The following SGCG variants were observed in gnomAD, a reference collection of about 807,000 sequenced individuals.
SGCG encodes the protein gamma-sarcoglycan.
A neutral mutation model predicts 29.3 loss-of-function variants in SGCG; 26 were observed. The observed-to-expected ratio is 0.89, with a 90% confidence interval of 0.65 to 1.23. The LOEUF (loss-of-function observed/expected upper bound fraction) is 1.23. SGCG is among the 50% of genes most tolerant of loss of function. The pLI is 0.00. For synonymous variants in SGCG, 145 were observed against 129.7 expected (o/e 1.12, Z -0.80); for missense variants, 353 against 356.0 (o/e 0.99, Z 0.07).
chr13:23,198,391 T>G (rs1877599038), intron 1 of SGCG, among the ~76,000 whole-genome samples: 1 of 152,156 alleles, frequency 6.6e-6, no homozygotes, highest in Admixed American at 6.5e-5. Context: ...TATCTGTCCT[T>G]AAGGTCATTT....
chr13:23,281,200 C>T (rs969737178), intron 5 of SGCG, among the ~76,000 whole-genome samples: 15 of 151,856 alleles, frequency 9.9e-5, no homozygotes, highest in Admixed American at 2.6e-4. Flanking sequence ...ATTATCCAGG[C>T]GTAGTGGTGC....
chr13:23,199,531 A>T (rs2137494319), intron 1 of SGCG, among the ~76,000 whole-genome samples: 1 of 152,124 alleles, frequency 6.6e-6, no homozygotes, highest in East Asian at 1.9e-4. Flanking sequence ...TCTAATAAAA[A>T]TGAAAGCCAC....
chr13:23,295,186 T>C (rs1881853692), intron 5 of SGCG, among the ~76,000 whole-genome samples: 1 of 152,188 alleles, frequency 6.6e-6, no homozygotes, highest in African/African-American at 2.4e-5. Flanking sequence ...TAATTTGTAA[T>C]TGCTTTGAAA....
intron 7 of SGCG, among the ~76,000 whole-genome samples, chr13:23,322,578 A>G (rs1883075338): frequency 6.6e-6 from 1 of 152,152 alleles, no homozygotes; most frequent in Admixed American, 6.5e-5. Flanking sequence ...CTTGGATCAT[A>G]GAGTCATTCT....
chr13:23,191,564 G>T (rs1877254137), intron 1 of SGCG, among the ~76,000 whole-genome samples: 1 of 132,794 alleles, frequency 7.5e-6, no homozygotes, highest in African/African-American at 2.5e-5. Context: ...CAGCTGTGAG[G>T]AGAAGCCCGC....
Position 23,320,614 on chromosome 13 carries a change from T to TTG in SGCG, c.579-23_579-22insTG, listed in dbSNP as rs1555247958. 28 of 1,363,580 alleles carry TTG rather than the reference T, an allele frequency of 2.1e-5. No individual in the cohort carries two copies. In the African/African-American group the frequency reaches 3.4e-4, roughly 17 times the overall value. The allele number at this position is 1,363,580 out of a possible 1,614,324, so 84.5% of individuals were successfully genotyped here. ...TTTTAATACTTTTTTTTTTTTTTTT[T>TTG]GTGCTTCTTTTCCTCATCTCAGATT... On this transcript the variant is annotated intron_variant, in intron 6 of 7. Coordinates refer to ENST00000218867, the MANE Select transcript of SGCG (RefSeq NM_000231.3).
intron 4 of SGCG, among the ~76,000 whole-genome samples, chr13:23,271,739 T>C (rs145458971): frequency 7.2e-5 from 11 of 152,344 alleles, no homozygotes; most frequent in African/African-American, 2.6e-4. Flanking sequence ...CTGTATTGCA[T>C]TGAATTTATA....
the SGCG span, among the ~76,000 whole-genome samples, chr13:23,162,438 G>T: frequency 6.6e-6 from 1 of 152,130 alleles, no homozygotes; most frequent in Non-Finnish European, 1.5e-5. Flanking sequence ...TGGCTAACAC[G>T]GTGAAACCCC....
chr13:23,295,777 G>T (rs560342411), intron 6 of SGCG, among the ~76,000 whole-genome samples: 1 of 152,178 alleles, frequency 6.6e-6, no homozygotes, highest in Non-Finnish European at 1.5e-5. Flanking sequence ...CTAAATGCAA[G>T]CTGGTTAAAA....
chr13:23,183,913 G>A (rs369920063), intron 1 of SGCG, among the ~76,000 whole-genome samples: 3 of 152,088 alleles, frequency 2.0e-5, no homozygotes, highest in Admixed American at 1.3e-4. Context: ...TGATCCACCC[G>A]CCTCGGCCTC....
chr13:23,253,064 A>G (rs954701189), intron 4 of SGCG, among the ~76,000 whole-genome samples: 12 of 151,982 alleles, frequency 7.9e-5, no homozygotes, highest in African/African-American at 2.2e-4. Flanking sequence ...AGGGGTTTTA[A>G]AGGTTTTGTT....
chr13:23,298,280 T>C (rs986564837), intron 6 of SGCG, among the ~76,000 whole-genome samples: 17 of 152,004 alleles, frequency 1.1e-4, no homozygotes, highest in Admixed American at 7.2e-4. Flanking sequence ...TGCTTGAACC[T>C]GGGAGGCAGA....
chr13:23,186,352 G>T (rs932391384), intron 1 of SGCG, among the ~76,000 whole-genome samples: 3 of 152,200 alleles, frequency 2.0e-5, no homozygotes, highest in Non-Finnish European at 4.4e-5. Context: ...TGTCAGAATG[G>T]TGCATCGTGT....
intron 2 of SGCG, among the ~76,000 whole-genome samples, chr13:23,222,007 G>A (rs1354649380): frequency 6.6e-6 from 1 of 152,202 alleles, no homozygotes; most frequent in Non-Finnish European, 1.5e-5. Flanking sequence ...TTGCTGAAGT[G>A]GAAGGTGATA....
intron 7 of SGCG, 34 bp from the exon 8 acceptor site, chr13:23,324,334 C>G (rs2137533875): frequency 4.3e-6 from 7 of 1,611,414 alleles, no homozygotes; most frequent in Non-Finnish European, 5.9e-6. Context: ...GTGGCCCTTC[C>G]TTAACTCTTC....
intron 2 of SGCG, among the ~76,000 whole-genome samples, chr13:23,208,315 A>G (rs755831380): frequency 1.3e-5 from 2 of 152,150 alleles, no homozygotes; most frequent in Non-Finnish European, 2.9e-5. Flanking sequence ...ATTATTTTAC[A>G]TGTACTGTCA....
At chr13:23,319,127 G>A (rs35400227) in intron 6 of SGCG, among the ~76,000 whole-genome samples, 15,241 of 152,100 alleles carry the variant, frequency 0.1, 1,048 homozygotes, top group Non-Finnish European at 0.15. Context: ...GTGAAATCCC[G>A]TCTCTACTAA....
At chr13:23,270,347 C>G (rs1440266500) in intron 4 of SGCG, among the ~76,000 whole-genome samples, 1 of 152,194 alleles carries the variant, frequency 6.6e-6, no homozygotes, top group Admixed American at 6.5e-5. Context: ...TCAGACAACA[C>G]AATGTGTCTA....
chr13:23,248,430 G>A (rs1241443314), intron 3 of SGCG, among the ~76,000 whole-genome samples: 1 of 152,142 alleles, frequency 6.6e-6, no homozygotes, highest in Non-Finnish European at 1.5e-5. Flanking sequence ...GGCCAGGCGC[G>A]GTGGCTCAGC....
Sources: gnomAD v4.1 joint callset for allele counts (sites outside exome capture counted in the v4.1 genomes callset) on GRCh38, gnomAD v4.1.1 for gene constraint, MANE v1.5 for transcripts, NCBI Gene and HGNC (gene_info 2026-07-23, HGNC 2026-07-21) for gene names.